The following CCZ1 variants were observed in gnomAD, a reference collection of about 807,000 sequenced individuals.
CCZ1 encodes vacuolar fusion protein CCZ1 homolog.
In CCZ1, 19 loss-of-function variants were observed where a neutral mutation model predicts 57.8. That is an observed-to-expected ratio of 0.33 (90% CI 0.23 to 0.48). The LOEUF (loss-of-function observed/expected upper bound fraction) is 0.48. Among genes scored for constraint, CCZ1 ranks in the 20% least tolerant of loss-of-function variants. The pLI is 0.99. For synonymous variants in CCZ1, 81 were observed against 167.0 expected, an observed-to-expected ratio of 0.49 and a Z score of 3.97; for missense variants, 200 against 492.0, an observed-to-expected ratio of 0.41 and a Z score of 5.61.
Position 5,911,882 on chromosome 7 carries a change from A to G in CCZ1, c.802A>G (p.Ile268Val), listed in dbSNP as rs371803315. The G allele has an allele frequency of 2.5e-6, 4 of 1,585,608 alleles. No homozygotes were observed. The African/African-American group carries it at 4.2e-5, about 17-fold the overall frequency. ...EPELAGRDSP[I>V]RAEMPGNLQH... is the part of the protein sequence containing the mutation. ...GCAGTTAGCAGGAAGGGATTCTCCA[A>G]TAAGAGCAGAAATGCCAGGAAATCT... is the stretch of plus-strand genomic sequence containing the variant. The change falls in exon 9 of 15, where the codon ATA becomes GTA. Residue 268 changes from isoleucine (I) to valine (V), a missense_variant. This residue lies in a region of CCZ1 where 128 missense variants were observed against 178.4 expected (regional missense o/e 0.72). Transcript: ENST00000325974.
intron 7 of CCZ1, among the ~76,000 whole-genome samples, chr7:5,909,276 C>T (rs1248220628): frequency 6.7e-6 from 1 of 149,714 alleles, no homozygotes; most frequent in African/African-American, 2.5e-5. Flanking sequence ...AGAAAAGCAC[C>T]AGTAGTCCCA....
rs1456254413 is a variant in CCZ1, at chr7:5,912,731, C to G, written c.843-112C>G. 1.4e-5 allele frequency: 17 copies of G among 1,233,788 alleles called. No homozygotes were observed. In the African/African-American group the frequency reaches 2.4e-4, roughly 17 times the overall value. 76.4% of individuals were successfully genotyped at this position (1,233,788 alleles called of 1,614,324 possible). ...TTCTGATATGGTGTTTGCCAAATAGCACCTGGCATCAAAAGCAACTGGTGT... is the reference window on the plus strand; with the variant it reads ...TTCTGATATGGTGTTTGCCAAATAGGACCTGGCATCAAAAGCAACTGGTGT... On this transcript the variant is annotated intron_variant, in intron 9 of 14. Coordinates refer to ENST00000325974, the MANE Select transcript of CCZ1 (RefSeq NM_015622.6).
chr7:5,913,027 A>G (rs1295452884), intron 10 of CCZ1, 73 bp downstream of exon 10: 1 of 1,555,244 alleles, frequency 6.4e-7, no homozygotes, highest in Non-Finnish European at 8.7e-7. Context: ...ACACGAGTGC[A>G]TGTGCAAACC....
chr7:5,925,494 G>A (rs981085864), intron 14 of CCZ1, 138 bp from the exon 15 acceptor site: 16 of 777,750 alleles, frequency 2.1e-5, no homozygotes, highest in Non-Finnish European at 2.0e-6. Context: ...AAAAATTCTT[G>A]CCTAGTCTTC....
chr7:5,904,799 C>G (rs1453480324), intron 6 of CCZ1, among the ~76,000 whole-genome samples: 1 of 147,884 alleles, frequency 6.8e-6, no homozygotes, highest in Non-Finnish European at 1.5e-5. Context: ...CCACTGCACT[C>G]CAGCCTGGAT....
intron 13 of CCZ1, 112 bp from the exon 14 acceptor site, chr7:5,923,722 CT>C (rs1481214247): frequency 1.8e-6 from 2 of 1,101,054 alleles, no homozygotes; most frequent in East Asian, 2.4e-5. Context: ...CTCCCTGAGC[CT>C]TTTAAATGCC....
intron 6 of CCZ1, among the ~76,000 whole-genome samples, chr7:5,904,190 T>A (rs1458391243): frequency 7.8e-6 from 1 of 128,912 alleles, no homozygotes; most frequent in Non-Finnish European, 1.6e-5. Context: ...TCTCCCAAGT[T>A]CAAGTGATTC....
chr7:5,904,236 G>T lies in CCZ1; in HGVS notation c.523-858G>T, dbSNP rs374383136. 1.1e-3 allele frequency among the ~76,000 whole-genome samples: 148 copies of T among 139,016 alleles called. 16 individuals carry two copies. In the East Asian group the frequency reaches 0.025, roughly 23 times the overall value. The allele number at this position is 139,016 out of a possible 152,430, so 91.2% of individuals were successfully genotyped here. The stretch of plus-strand genomic sequence containing the variant: ...GCCTCCTGAATAGTTGGGATTACAG[G>T]CTACCACGCCCGGCTAATGTTGTAA... On this transcript the variant is annotated intron_variant, in intron 6 of 14. Coordinates refer to ENST00000325974, the MANE Select transcript of CCZ1 (RefSeq NM_015622.6).
intron 10 of CCZ1, among the ~76,000 whole-genome samples, chr7:5,916,727 C>T (rs1250544044): frequency 6.8e-6 from 1 of 146,682 alleles, no homozygotes; most frequent in African/African-American, 2.7e-5. Context: ...CAGCTGGCCC[C>T]ACATGGCCAG....
At chr7:5,920,586 C>T (rs1480965907) in intron 12 of CCZ1, among the ~76,000 whole-genome samples, 3 of 130,480 alleles carry the variant, frequency 2.3e-5, no homozygotes, top group East Asian at 2.1e-4. Context: ...ATTCTCATGC[C>T]TCATCCTCTT....
Position 5,910,860 on chromosome 7 carries a change from C to G in CCZ1, c.780+744C>G, listed in dbSNP as rs947652312. ...AAACAATTCTCCGGCCTCAGGCTCC[C>G]GAGTAGCTGAGATTATAGGCACCTG... On this transcript the variant is annotated intron_variant, in intron 8 of 14. Transcript: ENST00000325974. Among the ~76,000 whole-genome samples, 10 of 147,098 alleles carry G rather than the reference C, an allele frequency of 6.8e-5. 1 individual carries two copies. The highest frequency in any genetic ancestry group is 1.3e-4 in the Admixed American group (2 of 14,858).
intron 1 of CCZ1, among the ~76,000 whole-genome samples, chr7:5,899,634 G>C: frequency 7.1e-6 from 1 of 141,330 alleles, no homozygotes; most frequent in Non-Finnish European, 1.5e-5. Flanking sequence ...GGGCGTGGTG[G>C]CACGCACCTG....
rs757038397 is a variant in CCZ1, at chr7:5,905,162, G to A, written c.591G>A (p.Pro197=). 6.3e-6 allele frequency: 10 copies of A among 1,580,868 alleles called. No individual in the cohort carries two copies. The highest frequency in any genetic ancestry group is 2.3e-5 in the South Asian group (2 of 86,842). ...TTTTTGGTGGAATCAGCTTCTTCCCGTTGGATAAAATGACTTATTTGAAAA... is the reference window on the plus strand; with the variant it reads ...TTTTTGGTGGAATCAGCTTCTTCCCATTGGATAAAATGACTTATTTGAAAA... ...LDIFGGISFF[P]LDKMTYLKIQ... is the part of the protein sequence containing the mutation. Residue 197 remains proline, a synonymous_variant, in exon 7 of 15, where the codon CCG becomes CCA. Transcript: ENST00000325974.
intron 5 of CCZ1, 24 bp downstream of exon 5, chr7:5,901,728 C>G: frequency 6.3e-7 from 1 of 1,597,894 alleles, no homozygotes; most frequent in Non-Finnish European, 8.5e-7. Flanking sequence ...TCTTTCTCAA[C>G]TCAGAGTCCA....
At position 5,910,328 on chromosome 7, in the gene CCZ1, C is replaced by T. The variant is rs1681802148; in HGVS notation, c.780+212C>T. On this transcript the variant is annotated intron_variant, in intron 8 of 14. Transcript: ENST00000325974. ...CATTCAGATGTGATACAGAAAGCATCGTTTTGTGTGTCTGTGTGTTGGTTT... is the reference window on the plus strand; with the variant it reads ...CATTCAGATGTGATACAGAAAGCATTGTTTTGTGTGTCTGTGTGTTGGTTT... 4 of 433,842 alleles carry T rather than the reference C, an allele frequency of 9.2e-6. 1 individual carries two copies. The highest frequency in any genetic ancestry group is 4.5e-5 in the East Asian group (1 of 22,068). The allele number at this position is 433,842 out of a possible 1,614,324, so 26.9% of individuals were successfully genotyped here. A position where few individuals can be genotyped will look rare whatever the true frequency, so the allele number is the denominator to read the frequency against.
intron 10 of CCZ1, among the ~76,000 whole-genome samples, chr7:5,916,498 G>GTTTTTTTTTTTTTTTTTTTTTTT (rs764065119): frequency 9.0e-6 from 1 of 110,964 alleles, no homozygotes; most frequent in Admixed American, 9.0e-5. Flanking sequence ...TTTTTGTTTT[G>GTTTTTTTTTTTTTTTTTTTTTTT]TTTTTTGTTT....
rs1285030602 is a variant in CCZ1, at chr7:5,902,824, T to A, written c.522+80T>A. 5 of 1,508,360 alleles carry A rather than the reference T, an allele frequency of 3.3e-6. No homozygotes were observed. The African/African-American group carries it at 5.8e-5, about 17-fold the overall frequency. 93.4% of individuals were successfully genotyped at this position (1,508,360 alleles called of 1,614,324 possible). Reference sequence around the variant, plus strand: ...AGAAATATAGACAGACAAGTTTGTTTCTTATATACAAAAAACCCAGAACTT... The same window carrying A: ...AGAAATATAGACAGACAAGTTTGTTACTTATATACAAAAAACCCAGAACTT... On this transcript the variant is annotated intron_variant, in intron 6 of 14. Transcript: ENST00000325974.
chr7:5,900,193 G>A, intron 1 of CCZ1, 91 bp from the exon 2 acceptor site: 10 of 1,403,748 alleles, frequency 7.1e-6, no homozygotes, highest in Non-Finnish European at 9.5e-6. Context: ...TAGCATGTGT[G>A]ACACAAGAGG....
chr7:5,901,924 A>G (rs1781694058), intron 5 of CCZ1: 1 of 488,038 alleles, frequency 2.0e-6, no homozygotes. Flanking sequence ...TTATAGTAGG[A>G]ATGTGTCCCC....
Sources: allele counts gnomAD v4.1 joint callset (sites outside exome capture counted in the v4.1 genomes callset), GRCh38; gene constraint gnomAD v4.1.1; regional missense constraint gnomAD v4.1.1; transcripts MANE v1.5; gene names NCBI Gene and HGNC (gene_info 2026-07-23, HGNC 2026-07-21).